Variants in EPHA6 observed in about 807,000 individuals in gnomAD.
The protein encoded by EPHA6 is ephrin type-A receptor 6.
Under a neutral mutation model 112.0 loss-of-function variants are expected in EPHA6, and 50 were observed. The observed-to-expected ratio is 0.45, with a 90% CI of 0.36 to 0.56. EPHA6 has a LOEUF of 0.56. Among genes scored for constraint, EPHA6 ranks in the 20% least tolerant of loss-of-function variants. The pLI is 0.00. For missense variants in EPHA6, 1,280 were observed against 1,417.4 expected (o/e 0.90, Z 1.56); for synonymous variants, 529 against 490.7 (o/e 1.08, Z -1.03).
chr3:97,458,250 A>T (rs897560376), intron 7 of EPHA6, among the ~76,000 whole-genome samples: 1 of 152,064 alleles, frequency 6.6e-6, no homozygotes, highest in African/African-American at 2.4e-5. Flanking sequence ...GTGTGAGCAC[A>T]TTACTGTACT....
chr3:97,463,287 T>C (rs2090951823), intron 7 of EPHA6, among the ~76,000 whole-genome samples: 1 of 152,068 alleles, frequency 6.6e-6, no homozygotes, highest in African/African-American at 2.4e-5. Flanking sequence ...TAATAACATA[T>C]CTAAATTGGT....
chr3:96,969,098 TCTA>T, intron 2 of EPHA6, among the ~76,000 whole-genome samples: 2 of 152,018 alleles, frequency 1.3e-5, no homozygotes, highest in East Asian at 3.9e-4. Flanking sequence ...TCTTCTAACT[TCTA>T]CTAATTTGAT....
At chr3:97,495,786 G>A (rs1284054155) in intron 10 of EPHA6, among the ~76,000 whole-genome samples, 3 of 151,828 alleles carry the variant, frequency 2.0e-5, no homozygotes, top group African/African-American at 4.8e-5. Flanking sequence ...TTTCATTATT[G>A]GAATTCTGTA....
chr3:97,295,089 C>T (rs1191842192), intron 5 of EPHA6, among the ~76,000 whole-genome samples: 1 of 152,076 alleles, frequency 6.6e-6, no homozygotes, highest in Admixed American at 6.6e-5. Flanking sequence ...TTGGGGATCT[C>T]TGAGTTTCTA....
chr3:97,345,354 G>A (rs576541438), intron 5 of EPHA6, among the ~76,000 whole-genome samples: 3 of 152,266 alleles, frequency 2.0e-5, no homozygotes, highest in Admixed American at 2.0e-4. Flanking sequence ...AAGGAAAGCA[G>A]CAAGAGGAAC....
intron 14 of EPHA6, among the ~76,000 whole-genome samples, chr3:97,718,038 G>C (rs534283184): frequency 2.0e-3 from 309 of 152,298 alleles, no homozygotes; most frequent in African/African-American, 6.8e-3. Flanking sequence ...CTGGAACAAA[G>C]AAAGATCCAG....
chr3:97,413,449 T>G (rs1442790126), intron 6 of EPHA6, among the ~76,000 whole-genome samples: 1 of 151,842 alleles, frequency 6.6e-6, no homozygotes, highest in African/African-American at 2.4e-5. Flanking sequence ...GTTACATTCG[T>G]GTGAGGCTCT....
In EPHA6 at chr3:97,249,323, T is replaced by C. The variant is rs141108495; in HGVS notation, c.1606+5036T>C. On this transcript the variant is annotated intron_variant, in intron 5 of 17. Coordinates refer to ENST00000389672, the MANE Select transcript of EPHA6 (RefSeq NM_001080448.3). ...GAATGTTTTATTTATGGAAGAAATG[T>C]CAAACTGGCTAATCATTACTAAATC... Among the ~76,000 whole-genome samples, 226 of 152,274 alleles carry C rather than the reference T, an allele frequency of 1.5e-3. 1 individual carries two copies. Among genetic ancestry groups the C allele is most frequent in the Non-Finnish European group, 2.4e-3 (164 of 67,992 alleles).
At chr3:97,190,676 A>G (rs2077277771) in intron 3 of EPHA6, among the ~76,000 whole-genome samples, 3 of 152,092 alleles carry the variant, frequency 2.0e-5, no homozygotes, top group Admixed American at 1.3e-4. Context: ...GGAATGACTG[A>G]ATAAGCTAAT....
chr3:97,129,898 A>G (rs939311136), intron 3 of EPHA6, among the ~76,000 whole-genome samples: 1 of 152,174 alleles, frequency 6.6e-6, no homozygotes. Flanking sequence ...ATTGAAGACT[A>G]TCAGATATTG....
intron 13 of EPHA6, among the ~76,000 whole-genome samples, chr3:97,617,772 T>A (rs1403203459): frequency 1.3e-5 from 2 of 152,274 alleles, no homozygotes; most frequent in South Asian, 4.1e-4. Context: ...AGCGCTCAGA[T>A]TCATAAAGCA....
chr3:97,564,220 TTTA>T (rs1418869206), intron 11 of EPHA6, among the ~76,000 whole-genome samples: 1 of 150,874 alleles, frequency 6.6e-6, no homozygotes, highest in African/African-American at 2.4e-5. Context: ...AAAAACATTA[TTTA>T]TTATTATAAT....
intron 3 of EPHA6, among the ~76,000 whole-genome samples, chr3:97,079,172 G>A (rs2046635682): frequency 6.6e-6 from 1 of 151,958 alleles, no homozygotes; most frequent in Admixed American, 6.6e-5. Context: ...TTGCAACACT[G>A]TTTACAATAG....
At chr3:97,445,216 A>T (rs1019197121) in intron 6 of EPHA6, among the ~76,000 whole-genome samples, 2 of 152,088 alleles carry the variant, frequency 1.3e-5, no homozygotes, top group African/African-American at 4.8e-5. Flanking sequence ...TTCTGTGCTC[A>T]TCCGAGGAGA....
chr3:97,069,980 G>A (rs536819098), intron 3 of EPHA6, among the ~76,000 whole-genome samples: 1 of 152,186 alleles, frequency 6.6e-6, no homozygotes, highest in East Asian at 1.9e-4. Flanking sequence ...AAGCTGTGTG[G>A]TCTTGCTCTT....
intron 2 of EPHA6, among the ~76,000 whole-genome samples, chr3:96,925,214 A>T (rs1322776016): frequency 1.3e-5 from 2 of 152,194 alleles, no homozygotes; most frequent in Non-Finnish European, 2.9e-5. Flanking sequence ...TAGTTTCATT[A>T]GAAATGTTAC....
intron 14 of EPHA6, among the ~76,000 whole-genome samples, chr3:97,639,290 T>C (rs894945749): frequency 9.2e-5 from 14 of 152,002 alleles, no homozygotes; most frequent in Admixed American, 3.9e-4. Flanking sequence ...GAAAAAGCAG[T>C]ATTTTCAACT....
intron 2 of EPHA6, among the ~76,000 whole-genome samples, chr3:96,918,183 A>G (rs1239326582): frequency 6.6e-6 from 1 of 152,204 alleles, no homozygotes. Context: ...ATTATAAATC[A>G]TAGATAGTAA....
At chr3:97,090,324 T>G (rs1182884951) in intron 3 of EPHA6, among the ~76,000 whole-genome samples, 1 of 152,078 alleles carries the variant, frequency 6.6e-6, no homozygotes, top group Non-Finnish European at 1.5e-5. Context: ...TAGCATGGTT[T>G]GTTTGTATAT....
Sources: allele counts gnomAD v4.1 joint callset (sites outside exome capture counted in the v4.1 genomes callset), GRCh38; gene constraint gnomAD v4.1.1; transcripts MANE v1.5; gene names NCBI Gene and HGNC (gene_info 2026-07-23, HGNC 2026-07-21).